CNTN5: variants seen among roughly 807,000 people sequenced by gnomAD.
CNTN5 encodes contactin-5.
In CNTN5, 77 loss-of-function variants were observed where a neutral mutation model predicts 129.1. The observed-to-expected ratio is 0.60, with a 90% CI of 0.50 to 0.72. CNTN5 has a LOEUF of 0.72. Among genes scored for constraint, CNTN5 ranks in the 30% least tolerant of loss-of-function variants. The pLI is 0.00. For missense variants in CNTN5, 1,478 were observed against 1,328.8 expected (o/e 1.11, Z -1.75); for synonymous variants, 509 against 465.6 (o/e 1.09, Z -1.20).
intron 3 of CNTN5, among the ~76,000 whole-genome samples, chr11:99,774,336 T>C (rs577010293): frequency 6.6e-6 from 1 of 151,956 alleles, no homozygotes; most frequent in African/African-American, 2.4e-5. Flanking sequence ...CTTCAGGTTT[T>C]TTTTTTGGGG....
intron 2 of CNTN5, among the ~76,000 whole-genome samples, chr11:99,554,446 T>C (rs1948602251): frequency 6.6e-6 from 1 of 152,102 alleles, no homozygotes; most frequent in Non-Finnish European, 1.5e-5. Context: ...CCCATGTATG[T>C]GTGTGCACAT....
intron 1 of CNTN5, among the ~76,000 whole-genome samples, chr11:99,185,100 G>A (rs2135575551): frequency 6.6e-6 from 1 of 151,558 alleles, no homozygotes; most frequent in Non-Finnish European, 1.5e-5. Flanking sequence ...CTTTTATTTT[G>A]GAGAACACAG....
At chr11:99,669,441 GGTGTGT>G (rs767426378) in intron 3 of CNTN5, among the ~76,000 whole-genome samples, 12 of 106,018 alleles carry the variant, frequency 1.1e-4, no homozygotes, top group South Asian at 2.9e-4. Context: ...TATTAAATAT[GGTGTGT>G]GTGTGTGTGT....
At chr11:99,366,432 A>C (rs1412487314) in intron 2 of CNTN5, among the ~76,000 whole-genome samples, 5 of 152,174 alleles carry the variant, frequency 3.3e-5, no homozygotes, top group Non-Finnish European at 7.4e-5. Context: ...AATGTTGGTA[A>C]TCATTACACT....
chr11:99,587,660 G>T (rs1399518769), intron 3 of CNTN5, among the ~76,000 whole-genome samples: 1 of 152,136 alleles, frequency 6.6e-6, no homozygotes, highest in Non-Finnish European at 1.5e-5. Context: ...ATGAAGATGG[G>T]GGTCATTTGC....
chr11:99,782,110 A>G (rs1374837472), intron 3 of CNTN5, among the ~76,000 whole-genome samples: 1 of 151,472 alleles, frequency 6.6e-6, no homozygotes, highest in Non-Finnish European at 1.5e-5. Context: ...CCTTAAGCTG[A>G]TAAGCAACTT....
At chr11:99,949,688 C>T (rs541399549) in intron 7 of CNTN5, among the ~76,000 whole-genome samples, 14 of 152,220 alleles carry the variant, frequency 9.2e-5, no homozygotes, top group African/African-American at 3.4e-4. Flanking sequence ...TAGCAATGAC[C>T]TTTATATCTA....
intron 3 of CNTN5, among the ~76,000 whole-genome samples, chr11:99,591,762 A>G (rs1024919134): frequency 1.3e-5 from 2 of 152,194 alleles, no homozygotes. Flanking sequence ...GGTGTCCTGA[A>G]TAAGGATAAG....
intron 3 of CNTN5, among the ~76,000 whole-genome samples, chr11:99,752,651 A>T (rs1438037200): frequency 6.6e-6 from 1 of 152,310 alleles, no homozygotes; most frequent in Non-Finnish European, 1.5e-5. Context: ...GTTTGAGTTT[A>T]TTATTTATAG....
chr11:99,714,920 A>G (rs1488934020), intron 3 of CNTN5, among the ~76,000 whole-genome samples: 1 of 150,250 alleles, frequency 6.7e-6, no homozygotes, highest in Non-Finnish European at 1.5e-5. Context: ...AGCACTATTG[A>G]GAGTGCTTAA....
At chr11:99,510,870 G>A (rs4353242) in intron 2 of CNTN5, among the ~76,000 whole-genome samples, 3,029 of 152,014 alleles carry the variant, frequency 0.02, 136 homozygotes, top group East Asian at 0.13. Context: ...ACAGCCTTAG[G>A]CAAGTTCTTC....
At chr11:99,683,682 T>C (rs1306142963) in intron 3 of CNTN5, among the ~76,000 whole-genome samples, 1 of 151,862 alleles carries the variant, frequency 6.6e-6, no homozygotes, top group East Asian at 1.9e-4. Context: ...TGAGGTTTGT[T>C]TGGGAGTACA....
intron 13 of CNTN5, among the ~76,000 whole-genome samples, chr11:100,114,112 C>A (rs1945760518): frequency 6.6e-6 from 1 of 152,004 alleles, no homozygotes; most frequent in Non-Finnish European, 1.5e-5. Context: ...GGGCGTGCAT[C>A]CAAGATTTGA....
intron 2 of CNTN5, among the ~76,000 whole-genome samples, chr11:99,423,331 C>A (rs1223776127): frequency 6.6e-6 from 1 of 152,108 alleles, no homozygotes; most frequent in Admixed American, 6.5e-5. Flanking sequence ...AGGCTTCCAC[C>A]CTCGAGCAGA....
chr11:99,103,355 A>C (rs1041229625), intron 1 of CNTN5, among the ~76,000 whole-genome samples: 1 of 152,220 alleles, frequency 6.6e-6, no homozygotes, highest in African/African-American at 2.4e-5. Flanking sequence ...GTGGGCATTC[A>C]ATAAATATCC....
chr11:99,799,762 G>C (rs895047301), intron 3 of CNTN5, among the ~76,000 whole-genome samples: 3 of 151,956 alleles, frequency 2.0e-5, no homozygotes, highest in Non-Finnish European at 4.4e-5. Flanking sequence ...TGCCTTTGTA[G>C]AATGAGTTAG....
At chr11:99,942,701 C>T (rs530868556) in intron 7 of CNTN5, among the ~76,000 whole-genome samples, 18 of 152,066 alleles carry the variant, frequency 1.2e-4, no homozygotes, top group Non-Finnish European at 1.9e-4. Flanking sequence ...CGACAGGCCC[C>T]GGTGTATGGT....
chr11:100,019,619 A>T (rs1247848096), intron 9 of CNTN5, among the ~76,000 whole-genome samples: 1 of 151,936 alleles, frequency 6.6e-6, no homozygotes, highest in Non-Finnish European at 1.5e-5. Flanking sequence ...CTGATTGCGT[A>T]TCTTGGCTGT....
At chr11:99,885,179 C>T (rs1312116799) in intron 6 of CNTN5, among the ~76,000 whole-genome samples, 4 of 151,772 alleles carry the variant, frequency 2.6e-5, no homozygotes, top group Admixed American at 6.6e-5. Flanking sequence ...CTACTGGGGG[C>T]GCTCAGGTGG....
Sources: allele counts gnomAD v4.1 joint callset (sites outside exome capture counted in the v4.1 genomes callset), GRCh38; gene constraint gnomAD v4.1.1; transcripts MANE v1.5; gene names NCBI Gene and HGNC (gene_info 2026-07-23, HGNC 2026-07-21).